Variants in CD6 observed in about 807,000 individuals in gnomAD.
CD6 encodes the protein T-cell differentiation antigen CD6.
In CD6, 53 loss-of-function variants were observed where a neutral mutation model predicts 75.3. The ratio of observed to expected loss-of-function variants is 0.70; its 90% CI spans 0.56 to 0.88. The LOEUF (loss-of-function observed/expected upper bound fraction) is 0.88, where lower values mean the gene tolerates loss of function less well. Among genes scored for constraint, CD6 ranks in the 40% least tolerant of loss-of-function variants. The pLI is 0.00. For synonymous variants in CD6, 359 were observed against 381.5 expected (o/e 0.94, Z 0.69); for missense variants, 770 against 897.1 (o/e 0.86, Z 1.81).
In CD6 at chr11:61,017,885, AG is replaced by A. The variant is rs1226446923; in HGVS notation, c.1711del (p.Asp571IlefsTer210). ...AGTGAGTCGAGCACCTCTTCAGGGG[AG>A]GATTACTGCAATAGTCCCAAAAGCA... ...SNSESSTSSGEDYCNSPKSKL... is the reference protein window; with the variant it reads ...SNSESSTSSGXDYCNSPKSKL... On this transcript the variant is annotated frameshift_variant, in exon 11 of 13. Coordinates refer to ENST00000313421, the MANE Select transcript of CD6 (RefSeq NM_006725.5). LOFTEE classifies it high-confidence loss of function. The A allele has an allele frequency of 6.2e-7, 1 of 1,613,870 alleles. No homozygotes were observed. The highest frequency in any genetic ancestry group is 1.7e-5 in the Admixed American group (1 of 59,976).
At chr11:60,985,143 G>A (rs919084322) in intron 1 of CD6, 7 of 137,348 alleles carry the variant, frequency 5.1e-5, no homozygotes, top group Non-Finnish European at 7.8e-5. Context: ...TCCAGTTTTC[G>A]TATATGTACC....
intron 1 of CD6, among the ~76,000 whole-genome samples, chr11:60,997,853 G>A (rs979492508): frequency 6.6e-5 from 10 of 152,162 alleles, no homozygotes; most frequent in Admixed American, 5.2e-4. Flanking sequence ...TCATTGGCAC[G>A]AACCCATTTC....
At chr11:61,017,696 T>G in intron 10 of CD6, 63 bp from the exon 11 acceptor site, 2 of 1,606,594 alleles carry the variant, frequency 1.2e-6, no homozygotes, top group Non-Finnish European at 8.5e-7. Flanking sequence ...CTTTCTGAAG[T>G]CTGACTTAAA....
Position 60,980,256 on chromosome 11 carries a change from C to T in CD6, c.49+8342C>T, listed in dbSNP as rs1021468436. 2.0e-5 allele frequency among the ~76,000 whole-genome samples: 3 copies of T among 152,140 alleles called. No individual in the cohort carries two copies. In the East Asian group the frequency reaches 5.8e-4, roughly 29 times the overall value. ...AGGATTTCAGCCCTTTCTGGTGACT[C>T]ACACCTGTAATTCAGCACGTTGGGA... is the stretch of plus-strand genomic sequence containing the variant. On this transcript the variant is annotated intron_variant, in intron 1 of 12. Transcript: ENST00000313421.
chr11:60,982,612 A>C, intron 1 of CD6: 1 of 456,048 alleles, frequency 2.2e-6, no homozygotes, highest in Non-Finnish European at 4.4e-6. Flanking sequence ...TCCCTCCTTC[A>C]ACCAAACTAA....
intron 6 of CD6, 127 bp from the exon 7 acceptor site, chr11:61,013,296 G>A: frequency 1.8e-6 from 2 of 1,130,722 alleles, no homozygotes; most frequent in Non-Finnish European, 1.3e-6. Flanking sequence ...GAGAAAATTG[G>A]AAAAAGGAAG....
At chr11:61,001,550 T>G (rs1858587915) in intron 1 of CD6, among the ~76,000 whole-genome samples, 1 of 152,216 alleles carries the variant, frequency 6.6e-6, no homozygotes, top group African/African-American at 2.4e-5. Context: ...TTAGTATGCT[T>G]GTTTTTACAA....
rs745462325 is a variant in CD6 at position 61,008,803 on chromosome 11, C to A, written c.739C>A (p.His247Asn). The A allele has an allele frequency of 6.3e-7, 1 of 1,575,892 alleles. No individual in the cohort carries two copies. Among genetic ancestry groups the A allele is most frequent in the South Asian group, 1.2e-5 (1 of 86,600 alleles). The change falls in exon 4 of 13, where the codon CAC becomes AAC. Residue 247 changes from histidine to asparagine, a missense_variant. Coordinates refer to ENST00000313421, the MANE Select transcript of CD6 (RefSeq NM_006725.5). ...LWDCPGLPGQ[H>N]YCGHKEDAGA... ...GGACTGCCCGGGGCTGCCAGGACAG[C>A]ACTACTGCGGCCACAAAGAGGACGC...
Position 61,019,002 on chromosome 11 carries a change from T to G in CD6, c.1943-252T>G, listed in dbSNP as rs4939488. The G allele has an allele frequency of 3.9e-5, 16 of 414,350 alleles. No homozygotes were observed. The South Asian group carries it at 1.0e-3, about 26-fold the overall frequency. 25.7% of individuals were successfully genotyped at this position (414,350 alleles called of 1,614,324 possible). On this transcript the variant is annotated intron_variant, in intron 12 of 12. Transcript: ENST00000313421. ...GGGAGACTGTGGTAGCAGAGGGGCT[T>G]CCAACATTCAATCGTCCACCGTGTC...
At chr11:61,014,381 G>A (rs988501635) in intron 8 of CD6, among the ~76,000 whole-genome samples, 4 of 152,184 alleles carry the variant, frequency 2.6e-5, no homozygotes, top group African/African-American at 9.7e-5. Context: ...GCCTTGCGAA[G>A]CCCCATCAAG....
At chr11:61,011,599 T>C (rs1202445533) in intron 6 of CD6, among the ~76,000 whole-genome samples, 1 of 152,182 alleles carries the variant, frequency 6.6e-6, no homozygotes, top group African/African-American at 2.4e-5. Flanking sequence ...ATCCTCTTGG[T>C]AGCCAAATGG....
chr11:60,972,662 TCA>T (rs1857230493), intron 1 of CD6, among the ~76,000 whole-genome samples: 1 of 152,104 alleles, frequency 6.6e-6, no homozygotes, highest in Non-Finnish European at 1.5e-5. Context: ...CATCGAGCTC[TCA>T]CATTTTGGGA....
intron 1 of CD6, among the ~76,000 whole-genome samples, chr11:61,002,691 T>C (rs1858641566): frequency 6.6e-6 from 1 of 152,184 alleles, no homozygotes; most frequent in South Asian, 2.1e-4. Flanking sequence ...ACAGAGTGAG[T>C]AATTTAAAAC....
chr11:60,991,377 TC>T (rs111687210), intron 1 of CD6, among the ~76,000 whole-genome samples: 1,833 of 152,110 alleles, frequency 0.012, 43 homozygotes, highest in African/African-American at 0.042. Context: ...GATCTTGAAC[TC>T]CCAACCTCAG....
chr11:61,009,691 G>C lies in CD6; in HGVS notation c.901G>C (p.Val301Leu). The C allele has an allele frequency of 1.9e-6, 3 of 1,614,112 alleles. No homozygotes were observed. Among genetic ancestry groups the C allele is most frequent in the Non-Finnish European group, 2.5e-6 (3 of 1,180,032 alleles). Reference sequence around the variant, plus strand: ...TGAGTGGTACCCATCGGAGGCCAAGGTGCTCTGCCAGTCCTTGGGCTGTGG... The same window carrying C: ...TGAGTGGTACCCATCGGAGGCCAAGCTGCTCTGCCAGTCCTTGGGCTGTGG... ...DSEWYPSEAK[V>L]LCQSLGCGTA... The change falls in exon 5 of 13, where the codon GTG becomes CTG. Residue 301 changes from valine to leucine, a missense_variant. By Grantham distance (32) the Val-to-Leu change is conservative. Coordinates refer to ENST00000313421, the MANE Select transcript of CD6 (RefSeq NM_006725.5).
At position 60,974,556 on chromosome 11, in the gene CD6, T is replaced by C. The variant is rs1198405542; in HGVS notation, c.49+2642T>C. Among the ~76,000 whole-genome samples, 3 of 152,218 alleles carry C rather than the reference T, an allele frequency of 2.0e-5. No homozygotes were observed. In the East Asian group the frequency reaches 5.8e-4, roughly 29 times the overall value. On this transcript the variant is annotated intron_variant, in intron 1 of 12. Coordinates refer to ENST00000313421, the MANE Select transcript of CD6 (RefSeq NM_006725.5). ...CACCGCGCCCAGCCTCCTTCTTCCC[T>C]TTCTAACCCTAGCACGAGGCCCTAT... is the stretch of plus-strand genomic sequence containing the variant.
chr11:61,006,758 A>T (rs1565155631), intron 2 of CD6, 116 bp downstream of exon 2: 1 of 808,422 alleles, frequency 1.2e-6, no homozygotes, highest in East Asian at 2.7e-5. Context: ...GACTTCAGAC[A>T]ACACTTCTTC....
rs1858913649 is a variant in CD6, at chr11:61,007,418, G to A, written c.119-142G>A. The A allele has an allele frequency of 6.7e-6, 4 of 598,492 alleles. No homozygotes were observed. The highest frequency in any genetic ancestry group is 3.9e-5 in the African/African-American group (2 of 51,034). The allele number at this position is 598,492 out of a possible 1,614,324, so 37.1% of individuals were successfully genotyped here. On this transcript the variant is annotated intron_variant, in intron 2 of 12. Coordinates refer to ENST00000313421, the MANE Select transcript of CD6 (RefSeq NM_006725.5). This position sits in a 1 kb window ranked among gnomAD's most constrained non-coding sequence, Gnocchi z 4.2. ...GGTGGGCTCAGGGATGAGCCAGCCC[G>A]GCTCCATTTTGCAGACTGGAAAGCT... is the stretch of plus-strand genomic sequence containing the variant.
chr11:60,979,871 G>A lies in CD6; in HGVS notation c.49+7957G>A, dbSNP rs147925638. ...AAGGTTTGCCCTTGAACAGTTTATAGTGTTGTGGTAAGACACACCAGCACC... is the reference window on the plus strand; with the variant it reads ...AAGGTTTGCCCTTGAACAGTTTATAATGTTGTGGTAAGACACACCAGCACC... On this transcript the variant is annotated intron_variant, in intron 1 of 12. Transcript: ENST00000313421. Among the ~76,000 whole-genome samples, 275 of 152,276 alleles carry A rather than the reference G, an allele frequency of 1.8e-3. 3 individuals are homozygous for A. Among genetic ancestry groups the A allele is most frequent in the African/African-American group, 6.3e-3 (263 of 41,544 alleles).
Sources: gnomAD v4.1 joint callset for allele counts (sites outside exome capture counted in the v4.1 genomes callset) on GRCh38, gnomAD v4.1.1 for gene constraint, Gnocchi (gnomAD v3.1) non-coding constraint, MANE v1.5 for transcripts, NCBI Gene and HGNC (gene_info 2026-07-23, HGNC 2026-07-21) for gene names.